The following LHFPL3 variants were observed in gnomAD, a reference collection of about 807,000 sequenced individuals.
The protein encoded by LHFPL3 is LHFPL tetraspan subfamily member 3 protein.
LHFPL3 carries 5 observed loss-of-function variants against 19.3 expected under a neutral mutation model. The observed-to-expected ratio is 0.26, with a 90% CI of 0.14 to 0.54. The LOEUF is 0.54. LHFPL3 is among the 20% of genes least tolerant of loss of function. The pLI is 0.94. For synonymous variants in LHFPL3, 133 were observed against 126.2 expected (o/e 1.05, Z -0.36); for missense variants, 249 against 307.4 (o/e 0.81, Z 1.42).
At chr7:104,461,084 A>T (rs944749814) in intron 1 of LHFPL3, among the ~76,000 whole-genome samples, 7 of 152,210 alleles carry the variant, frequency 4.6e-5, no homozygotes, top group Admixed American at 3.9e-4. Flanking sequence ...ACAGTTTCAC[A>T]TGGCTGGGGA....
Position 104,755,309 on chromosome 7 carries a change from C to G in LHFPL3, c.682+18398C>G, listed in dbSNP as rs528904235. ...AGTAAGTCATGGCTGGACCATATAC[C>G]CCATACACAGGGGAAAAGCACCACA... is the stretch of plus-strand genomic sequence containing the variant. On this transcript the variant is annotated intron_variant, in intron 2 of 2. Transcript: ENST00000424859. 2.0e-5 allele frequency among the ~76,000 whole-genome samples: 3 copies of G among 152,062 alleles called. No homozygotes were observed. The South Asian group carries it at 6.2e-4, about 32-fold the overall frequency.
At chr7:104,512,805 C>A (rs982822343) in intron 1 of LHFPL3, among the ~76,000 whole-genome samples, 5 of 151,956 alleles carry the variant, frequency 3.3e-5, no homozygotes, top group African/African-American at 9.7e-5. Flanking sequence ...AGCCAGCTGA[C>A]CTGAGTATCA....
At chr7:104,832,588 T>G (rs1278234129) in intron 2 of LHFPL3, among the ~76,000 whole-genome samples, 2 of 151,392 alleles carry the variant, frequency 1.3e-5, no homozygotes, top group Non-Finnish European at 2.9e-5. Flanking sequence ...GCTTACCACC[T>G]TGTCTTAGGA....
At chr7:104,426,947 G>A (rs1219206242) in intron 1 of LHFPL3, among the ~76,000 whole-genome samples, 4 of 152,086 alleles carry the variant, frequency 2.6e-5, no homozygotes, top group Non-Finnish European at 4.4e-5. Flanking sequence ...CCCCCAACAC[G>A]TGTGTGGCAC....
chr7:104,551,734 T>C (rs1267389522), intron 1 of LHFPL3, among the ~76,000 whole-genome samples: 1 of 152,084 alleles, frequency 6.6e-6, no homozygotes, highest in Non-Finnish European at 1.5e-5. Flanking sequence ...AAATTAAAGA[T>C]ATTGGTGATT....
chr7:104,573,840 T>C (rs993537841), intron 1 of LHFPL3, among the ~76,000 whole-genome samples: 1 of 152,228 alleles, frequency 6.6e-6, no homozygotes, highest in African/African-American at 2.4e-5. Flanking sequence ...GCATGGTCCC[T>C]TTCCCATTAT....
intron 1 of LHFPL3, among the ~76,000 whole-genome samples, chr7:104,641,293 G>A (rs1381465458): frequency 6.6e-6 from 1 of 152,228 alleles, no homozygotes; most frequent in Non-Finnish European, 1.5e-5. Context: ...ATAATCAACC[G>A]CTGAGTCAAA....
At chr7:104,431,686 T>C (rs1792005764) in intron 1 of LHFPL3, among the ~76,000 whole-genome samples, 1 of 152,232 alleles carries the variant, frequency 6.6e-6, no homozygotes, top group Non-Finnish European at 1.5e-5. Flanking sequence ...TAAAATAATT[T>C]GTTGGATATA....
rs1398499577 is a variant in LHFPL3 at position 104,686,171 on chromosome 7, C to T, written c.446-50504C>T. Among the ~76,000 whole-genome samples the T allele has an allele frequency of 2.0e-5, 3 of 152,164 alleles. No individual in the cohort carries two copies. In the South Asian group the frequency reaches 6.2e-4, roughly 32 times the overall value. On this transcript the variant is annotated intron_variant, in intron 1 of 2. Transcript: ENST00000424859. ...TCTGAAAAGAGGTCCTGTTACCTAC[C>T]TCAGAAGCGTGCTATTATAAAACCC... is the stretch of plus-strand genomic sequence containing the variant.
At chr7:104,476,265 A>G (rs6944043) in intron 1 of LHFPL3, among the ~76,000 whole-genome samples, 1,527 of 152,322 alleles carry the variant, frequency 0.01, 23 homozygotes, top group African/African-American at 0.035. Flanking sequence ...AAATAATGTG[A>G]CAGAGCTTTC....
At chr7:104,473,632 C>T (rs1284877076) in intron 1 of LHFPL3, among the ~76,000 whole-genome samples, 1 of 152,186 alleles carries the variant, frequency 6.6e-6, no homozygotes, top group Non-Finnish European at 1.5e-5. Context: ...GAACAAGTTA[C>T]ATAACCACTC....
chr7:104,901,255 T>C (rs1012089151), intron 2 of LHFPL3, among the ~76,000 whole-genome samples: 7 of 152,248 alleles, frequency 4.6e-5, no homozygotes, highest in African/African-American at 1.7e-4. Flanking sequence ...GTAGTTGTAA[T>C]AACATTCTAA....
intron 1 of LHFPL3, among the ~76,000 whole-genome samples, chr7:104,629,814 G>T (rs530439371): frequency 6.6e-6 from 1 of 152,146 alleles, no homozygotes; most frequent in Non-Finnish European, 1.5e-5. Flanking sequence ...ACACAATGTT[G>T]CAGCCACATT....
chr7:104,582,365 T>C (rs1327230923), intron 1 of LHFPL3, among the ~76,000 whole-genome samples: 1 of 152,122 alleles, frequency 6.6e-6, no homozygotes, highest in Non-Finnish European at 1.5e-5. Context: ...TAATTGTATT[T>C]AGAATTCTTC....
At chr7:104,553,917 T>C (rs1158058171) in intron 1 of LHFPL3, among the ~76,000 whole-genome samples, 1 of 152,174 alleles carries the variant, frequency 6.6e-6, no homozygotes, top group African/African-American at 2.4e-5. Flanking sequence ...TTATTGTAGA[T>C]TGTGAAGTCA....
intron 1 of LHFPL3, among the ~76,000 whole-genome samples, chr7:104,441,630 G>A (rs977852824): frequency 7.9e-5 from 12 of 152,156 alleles, no homozygotes; most frequent in South Asian, 2.1e-4. Flanking sequence ...AAGCTGGGGC[G>A]CATGGCACGA....
chr7:104,714,516 G>GT (rs202202882), intron 1 of LHFPL3, among the ~76,000 whole-genome samples: 1,831 of 144,580 alleles, frequency 0.013, 35 homozygotes, highest in East Asian at 0.11. Context: ...ACAAGTCTGG[G>GT]TTTTTTTTTT....
chr7:104,375,133 A>G (rs903412033), intron 1 of LHFPL3, among the ~76,000 whole-genome samples: 3 of 152,068 alleles, frequency 2.0e-5, no homozygotes, highest in Non-Finnish European at 2.9e-5. Flanking sequence ...GAGGTCAGGA[A>G]TTTGAGACCA....
chr7:104,339,773 T>C (rs1301012835), intron 1 of LHFPL3, among the ~76,000 whole-genome samples: 1 of 152,226 alleles, frequency 6.6e-6, no homozygotes, highest in African/African-American at 2.4e-5. Flanking sequence ...TTCTCTAACC[T>C]AGAGTCTGCG....
Sources: allele counts gnomAD v4.1 joint callset (sites outside exome capture counted in the v4.1 genomes callset), GRCh38; gene constraint gnomAD v4.1.1; transcripts MANE v1.5; gene names NCBI Gene and HGNC (gene_info 2026-07-23, HGNC 2026-07-21).